The following AFG2A variants were observed in gnomAD, a reference collection of about 807,000 sequenced individuals.
AFG2A encodes the protein ATPase family gene 2 protein homolog A.
At chr4:123,015,819 CCCA>C in the AFG2A span, among the ~76,000 whole-genome samples, 2 of 69,382 alleles carry the variant, frequency 2.9e-5, no homozygotes, top group Non-Finnish European at 7.0e-5. Flanking sequence ...GGCTGACCCC[CCCA>C]CCTCCCTCCC....
chr4:123,181,274 G>T, the AFG2A span, among the ~76,000 whole-genome samples: 1 of 151,854 alleles, frequency 6.6e-6, no homozygotes, highest in South Asian at 2.1e-4. Context: ...GTGAGCCACT[G>T]CGCCCGGCCC....
chr4:123,115,822 C>G, the AFG2A span, among the ~76,000 whole-genome samples: 2 of 152,132 alleles, frequency 1.3e-5, no homozygotes, highest in African/African-American at 4.8e-5. Context: ...TTTTGCCGTC[C>G]TTGTTGAGAA....
At chr4:122,938,625 C>G in the AFG2A span, among the ~76,000 whole-genome samples, 1 of 152,114 alleles carries the variant, frequency 6.6e-6, no homozygotes, top group Non-Finnish European at 1.5e-5. Flanking sequence ...GAGTCTTGCC[C>G]TGTCATCCAG....
chr4:122,995,360 C>T, the AFG2A span, among the ~76,000 whole-genome samples: 1 of 152,042 alleles, frequency 6.6e-6, no homozygotes, highest in African/African-American at 2.4e-5. Flanking sequence ...TTCTATCACT[C>T]CCAAGATCCC....
At chr4:123,061,565 G>A in the AFG2A span, among the ~76,000 whole-genome samples, 2 of 152,062 alleles carry the variant, frequency 1.3e-5, no homozygotes, top group African/African-American at 2.4e-5. Context: ...TAACAGTGTG[G>A]GGGAAACCAC....
chr4:123,079,745 C>T, the AFG2A span, among the ~76,000 whole-genome samples: 141 of 72,666 alleles, frequency 1.9e-3, no homozygotes, highest in South Asian at 4.5e-3. Context: ...TCTTTTCCTT[C>T]TTTTTTTTTT....
At chr4:123,057,810 TAC>T in the AFG2A span, among the ~76,000 whole-genome samples, 61,973 of 151,332 alleles carry the variant, frequency 0.41, 15,423 homozygotes, top group Non-Finnish European at 0.55. Context: ...AACAAATATA[TAC>T]ACACACACAC....
At chr4:123,256,514 CTT>C in the AFG2A span, among the ~76,000 whole-genome samples, 2 of 152,324 alleles carry the variant, frequency 1.3e-5, no homozygotes, top group Non-Finnish European at 1.5e-5. Context: ...ACTTCTCTAA[CTT>C]TGCGTTCTTT....
chr4:123,049,892 G>A, the AFG2A span, among the ~76,000 whole-genome samples: 2 of 152,038 alleles, frequency 1.3e-5, no homozygotes, highest in East Asian at 3.9e-4. Flanking sequence ...GTTCCTTGAA[G>A]TACATTATTA....
the AFG2A span, among the ~76,000 whole-genome samples, chr4:123,003,875 G>T: frequency 6.6e-6 from 1 of 152,166 alleles, no homozygotes; most frequent in Non-Finnish European, 1.5e-5. Context: ...AGAGGTTACT[G>T]CTGTCTTTTT....
At chr4:123,028,479 A>C in the AFG2A span, 1 of 1,105,832 alleles carries the variant, frequency 9.0e-7, no homozygotes, top group Non-Finnish European at 1.3e-6. Context: ...AGGAGAACGA[A>C]TAAAGGCATC....
chr4:122,943,323 T>A, the AFG2A span, among the ~76,000 whole-genome samples: 7 of 152,190 alleles, frequency 4.6e-5, no homozygotes, highest in Admixed American at 6.5e-5. Context: ...GTGCTCCTGT[T>A]TTGGGTGCAT....
chr4:123,303,117 T>C, the AFG2A span, among the ~76,000 whole-genome samples: 1 of 152,218 alleles, frequency 6.6e-6, no homozygotes, highest in African/African-American at 2.4e-5. Context: ...AAACTAAAAA[T>C]ACTCTGTTTT....
the AFG2A span, among the ~76,000 whole-genome samples, chr4:123,091,982 A>G: frequency 6.6e-6 from 1 of 152,174 alleles, no homozygotes. Context: ...GAATGTAACT[A>G]TTATGTGGCA....
At chr4:122,934,557 T>C in the AFG2A span, 1 of 1,613,886 alleles carries the variant, frequency 6.2e-7, no homozygotes, top group Non-Finnish European at 8.5e-7. Context: ...ATACTGATAC[T>C]TTTTATTTTA....
chr4:122,928,992 T>G, the AFG2A span: 1 of 1,582,630 alleles, frequency 6.3e-7, no homozygotes, highest in Non-Finnish European at 8.6e-7. Context: ...ATTGATGGTA[T>G]TCTATGAATA....
chr4:122,999,139 G>A, the AFG2A span, among the ~76,000 whole-genome samples: 4 of 83,052 alleles, frequency 4.8e-5, no homozygotes, highest in Non-Finnish European at 1.2e-4. Flanking sequence ...CATATCCTTT[G>A]CCCACTTGTT....
chr4:123,228,623 T>A, the AFG2A span, among the ~76,000 whole-genome samples: 2 of 152,036 alleles, frequency 1.3e-5, no homozygotes, highest in Admixed American at 1.3e-4. Flanking sequence ...TATTTTAATA[T>A]GCATTATCTC....
At chr4:123,117,241 C>T in the AFG2A span, among the ~76,000 whole-genome samples, 1 of 151,712 alleles carries the variant, frequency 6.6e-6, no homozygotes, top group Admixed American at 6.6e-5. Flanking sequence ...TTGTTCATTT[C>T]ATAAAGGAGC....
Sources: gnomAD v4.1 joint callset for allele counts (sites outside exome capture counted in the v4.1 genomes callset) on GRCh38, gnomAD v4.1.1 for gene constraint, MANE v1.5 for transcripts, NCBI Gene and HGNC (gene_info 2026-07-23, HGNC 2026-07-21) for gene names.